The following PIP4K2B variants were observed in gnomAD, a reference collection of about 807,000 sequenced individuals.
PIP4K2B encodes phosphatidylinositol-5-phosphate 4-kinase type 2 beta, also known as phosphatidylinositol 5-phosphate 4-kinase type-2 beta.
In PIP4K2B, 3 loss-of-function variants were observed where a neutral mutation model predicts 42.0. The ratio of observed to expected loss-of-function variants is 0.07; its 90% CI spans 0.03 to 0.18. PIP4K2B has a LOEUF of 0.18. Ranked by LOEUF, PIP4K2B falls within the 10% of genes least tolerant of loss-of-function variation. The pLI, the probability that PIP4K2B is intolerant of heterozygous loss-of-function variation, is 1.00. For missense variants in PIP4K2B, 332 were observed against 562.3 expected (o/e 0.59, Z 4.14); for synonymous variants, 204 against 210.1 (o/e 0.97, Z 0.25).
intron 3 of PIP4K2B, among the ~76,000 whole-genome samples, 166 bp downstream of exon 3, chr17:38,784,077 G>C (rs1380212755): frequency 6.6e-6 from 1 of 152,200 alleles, no homozygotes; most frequent in Non-Finnish European, 1.5e-5. Flanking sequence ...CCCTCGCCCT[G>C]CAAGGGGCCC....
At chr17:38,788,445 C>A (rs1910159632) in intron 1 of PIP4K2B, among the ~76,000 whole-genome samples, 2 of 152,022 alleles carry the variant, frequency 1.3e-5, no homozygotes, top group South Asian at 2.1e-4. Context: ...CGTGATCCAC[C>A]CACCTCGGCC....
chr17:38,775,931 A>G, intron 7 of PIP4K2B: 1 of 435,576 alleles, frequency 2.3e-6, no homozygotes, highest in South Asian at 1.7e-5. Context: ...TGAAGACATT[A>G]TGCTAAGCAA....
intron 7 of PIP4K2B, among the ~76,000 whole-genome samples, chr17:38,773,064 T>C (rs1598043271): frequency 6.6e-6 from 1 of 152,302 alleles, no homozygotes; most frequent in South Asian, 2.1e-4. Flanking sequence ...ACTGGGGATC[T>C]TGGAACATGT....
chr17:38,776,581 G>C (rs1271278167), intron 7 of PIP4K2B: 1 of 416,382 alleles, frequency 2.4e-6, no homozygotes, highest in Non-Finnish European at 4.7e-6. Flanking sequence ...AGCCGAGATC[G>C]TGCCACTGCA....
intron 7 of PIP4K2B, 72 bp downstream of exon 7, chr17:38,777,615 C>G: frequency 1.0e-6 from 1 of 992,500 alleles, no homozygotes. Flanking sequence ...TTCCATTCTT[C>G]TTAAGGTTTA....
chr17:38,791,965 G>A (rs906849653), intron 1 of PIP4K2B, among the ~76,000 whole-genome samples: 6 of 151,654 alleles, frequency 4.0e-5, no homozygotes, highest in African/African-American at 2.4e-5. Flanking sequence ...GCATGATGGC[G>A]GGCACCTGTA....
In PIP4K2B at chr17:38,769,719, T is replaced by A; in HGVS notation, c.1223A>T (p.Asn408Ile). ...VNPEQYSKRFNEFMSNILT is the reference protein window; with the variant it reads ...VNPEQYSKRFIEFMSNILT ...CGTCAGGATGTTGGACATAAACTCG[T>A]TGAAGCGTTTGGAGTACTGCTCAGG... The change falls in exon 10 of 10, where the codon AAC (asparagine) becomes ATC (isoleucine). Residue 408 changes from asparagine to isoleucine, a missense_variant. This residue lies in a region of PIP4K2B where 26 missense variants were observed against 76.4 expected (regional missense o/e 0.34). Coordinates refer to ENST00000619039, the MANE Select transcript of PIP4K2B (RefSeq NM_003559.5). The A allele has an allele frequency of 7.5e-6, 12 of 1,606,456 alleles. No homozygotes were observed. The highest frequency in any genetic ancestry group is 1.0e-5 in the Non-Finnish European group (12 of 1,173,020).
intron 1 of PIP4K2B, among the ~76,000 whole-genome samples, chr17:38,793,656 A>G (rs1910462484): frequency 6.6e-6 from 1 of 152,140 alleles, no homozygotes; most frequent in African/African-American, 2.4e-5. Flanking sequence ...AAATCGCTTG[A>G]GCCCAGGATT....
chr17:38,798,344 A>AT (rs1910759139), intron 1 of PIP4K2B, among the ~76,000 whole-genome samples: 1 of 152,212 alleles, frequency 6.6e-6, no homozygotes, highest in African/African-American at 2.4e-5. Flanking sequence ...AAGAGGGAGA[A>AT]TAAAGACCCT....
chr17:38,773,713 AT>A (rs1909167620), intron 7 of PIP4K2B, among the ~76,000 whole-genome samples: 1 of 152,110 alleles, frequency 6.6e-6, no homozygotes, highest in South Asian at 2.1e-4. Context: ...AGCCCTAAAG[AT>A]GGGAGCCCAG....
At position 38,786,873 on chromosome 17, in the gene PIP4K2B, A is replaced by G; in HGVS notation, c.207T>C (p.Asp69=). The change falls in exon 2 of 10, where the codon GAT becomes GAC. Residue 69 remains aspartate (D), a synonymous_variant. Coordinates refer to ENST00000619039, the MANE Select transcript of PIP4K2B (RefSeq NM_003559.5). ...TGATCTTGCTGTAGGCTTTGAAGTC[A>G]TCTGGCATTAGCATGACAGGAACAG... is the stretch of plus-strand genomic sequence containing the variant. The part of the protein sequence containing the change: ...NVPVPVMLMP[D]DFKAYSKIKV... The G allele has an allele frequency of 6.2e-7, 1 of 1,613,714 alleles. No individual in the cohort carries two copies. The highest frequency in any genetic ancestry group is 8.5e-7 in the Non-Finnish European group (1 of 1,179,584).
At position 38,799,241 on chromosome 17, in the gene PIP4K2B, A is replaced by G. The variant is rs777306002; in HGVS notation, c.159+25T>C. Reference sequence around the variant, plus strand: ...CGTGGGAGCGCGCGGGGCCGCGCTCAGAGGGGCGCGCAGGAGCTGGTTACC... The same window carrying G: ...CGTGGGAGCGCGCGGGGCCGCGCTCGGAGGGGCGCGCAGGAGCTGGTTACC... On this transcript the variant is annotated intron_variant, in intron 1 of 9. Transcript: ENST00000619039. This position sits in a 1 kb window ranked among gnomAD's most constrained non-coding sequence, Gnocchi z 4.4. 1 of 1,570,446 alleles carries G rather than the reference A, an allele frequency of 6.4e-7. No homozygotes were observed. The highest frequency in any genetic ancestry group is 8.6e-7 in the Non-Finnish European group (1 of 1,161,706).
At chr17:38,793,609 G>A (rs955653229) in intron 1 of PIP4K2B, among the ~76,000 whole-genome samples, 1 of 152,168 alleles carries the variant, frequency 6.6e-6, no homozygotes, top group Non-Finnish European at 1.5e-5. Context: ...AGTGGCTCAC[G>A]CCTGTAATCC....
At chr17:38,778,438 G>C (rs1909491711) in intron 5 of PIP4K2B, 66 bp from the exon 6 acceptor site, 2 of 1,456,110 alleles carry the variant, frequency 1.4e-6, no homozygotes, top group Admixed American at 1.7e-5. Flanking sequence ...AGCAAACATG[G>C]GAGAGCCAGC....
intron 1 of PIP4K2B, among the ~76,000 whole-genome samples, chr17:38,796,211 A>G (rs1169268624): frequency 6.6e-6 from 1 of 152,230 alleles, no homozygotes; most frequent in Non-Finnish European, 1.5e-5. Flanking sequence ...ATAACTTTAA[A>G]AAGACAATAA....
chr17:38,771,377 C>T, intron 7 of PIP4K2B, 105 bp from the exon 8 acceptor site: 2 of 1,335,224 alleles, frequency 1.5e-6, no homozygotes, highest in South Asian at 2.6e-5. Context: ...CTCAATTCTA[C>T]AAACAGTTTT....
At chr17:38,779,198 T>C (rs770629333) in intron 5 of PIP4K2B, among the ~76,000 whole-genome samples, 185 bp downstream of exon 5, 6 of 152,180 alleles carry the variant, frequency 3.9e-5, no homozygotes, top group Admixed American at 6.5e-5. Flanking sequence ...AATAATCTCC[T>C]GTTACTGTCA....
intron 1 of PIP4K2B, among the ~76,000 whole-genome samples, chr17:38,791,865 G>A (rs544000832): frequency 5.6e-4 from 84 of 150,928 alleles, no homozygotes; most frequent in Middle Eastern, 3.4e-3. Context: ...CGAGGCGGGC[G>A]GATCATGAGG....
At chr17:38,783,966 T>C (rs114382616) in intron 3 of PIP4K2B, among the ~76,000 whole-genome samples, 2,484 of 152,230 alleles carry the variant, frequency 0.016, 63 homozygotes, top group African/African-American at 0.056. Flanking sequence ...AATGTCAGAC[T>C]AAAATAAAGG....
Sources: gnomAD v4.1 joint callset for allele counts (sites outside exome capture counted in the v4.1 genomes callset) on GRCh38, gnomAD v4.1.1 for gene constraint, gnomAD v4.1.1 regional missense constraint, Gnocchi (gnomAD v3.1) non-coding constraint, MANE v1.5 for transcripts, NCBI Gene and HGNC (gene_info 2026-07-23, HGNC 2026-07-21) for gene names.